PPP2R2C: variants seen among roughly 807,000 people sequenced by gnomAD.
PPP2R2C encodes protein phosphatase 2, regulatory subunit B, gamma.
Under a neutral mutation model 45.3 loss-of-function variants are expected in PPP2R2C, and 10 were observed. The observed-to-expected ratio is 0.22, with a 90% CI of 0.14 to 0.37. PPP2R2C has a LOEUF of 0.37. PPP2R2C is among the 10% of genes least tolerant of loss of function. PPP2R2C has a pLI of 1.00. For synonymous variants in PPP2R2C, 257 were observed against 245.4 expected, an observed-to-expected ratio of 1.05 and a Z score of -0.44; for missense variants, 308 against 619.7, an observed-to-expected ratio of 0.50 and a Z score of 5.34.
At chr4:6,369,570 G>T (rs946471455) in intron 5 of PPP2R2C, among the ~76,000 whole-genome samples, 2 of 152,210 alleles carry the variant, frequency 1.3e-5, no homozygotes, top group Non-Finnish European at 2.9e-5. Flanking sequence ...TTTTGTGAAT[G>T]ACTGGCATTC....
chr4:6,346,384 A>T (rs1425201741), intron 6 of PPP2R2C, among the ~76,000 whole-genome samples: 5 of 150,906 alleles, frequency 3.3e-5, no homozygotes, highest in Non-Finnish European at 7.4e-5. Context: ...GGCACCACCC[A>T]CCCCCTCAGG....
chr4:6,357,165 A>G (rs984550514), intron 5 of PPP2R2C, among the ~76,000 whole-genome samples: 2 of 149,090 alleles, frequency 1.3e-5, no homozygotes, highest in Non-Finnish European at 3.0e-5. Context: ...GCCTCTCTGG[A>G]CTCTGTGTCA....
At chr4:6,545,167 C>T (rs567296113) in intron 1 of PPP2R2C, among the ~76,000 whole-genome samples, 2 of 152,314 alleles carry the variant, frequency 1.3e-5, no homozygotes, top group Non-Finnish European at 2.9e-5. Context: ...CTCCTCCAGA[C>T]ATTTTGGAAA....
chr4:6,453,168 C>G (rs1283343499), intron 1 of PPP2R2C, among the ~76,000 whole-genome samples: 3 of 152,154 alleles, frequency 2.0e-5, no homozygotes, highest in South Asian at 4.2e-4. Flanking sequence ...GAAGGGACCC[C>G]CCCACAGAGG....
chr4:6,402,481 C>T (rs1420601595), intron 1 of PPP2R2C, among the ~76,000 whole-genome samples: 1 of 126,686 alleles, frequency 7.9e-6, no homozygotes, highest in Non-Finnish European at 1.6e-5. Context: ...CTCTCTTCTC[C>T]TTTTTCCTTC....
chr4:6,429,918 A>C (rs1012977874), intron 1 of PPP2R2C, among the ~76,000 whole-genome samples: 5 of 152,132 alleles, frequency 3.3e-5, no homozygotes, highest in Non-Finnish European at 7.3e-5. Flanking sequence ...GTCTATTGAA[A>C]GATGACCTGC....
rs1711862855 is a variant in PPP2R2C, at chr4:6,345,958, C to CGCGGGTCTGAAACCTGCCTGCTGGTCCCT, written c.790+1859_790+1887dup. ...TGGAACCCAATACGGGCCTCAGGCT[C>CGCGGGTCTGAAACCTGCCTGCTGGTCCCT]GCGGGTCTGAAACCTGCCTGCTGGT... On this transcript the variant is annotated intron_variant, in intron 6 of 8. Coordinates refer to ENST00000382599, the MANE Select transcript of PPP2R2C (RefSeq NM_020416.4). This position sits in a 1 kb window ranked among gnomAD's most constrained non-coding sequence, Gnocchi z 5.3. Among the ~76,000 whole-genome samples, 1 of 152,138 alleles carries CGCGGGTCTGAAACCTGCCTGCTGGTCCCT rather than the reference C, an allele frequency of 6.6e-6. No homozygotes were observed. Among genetic ancestry groups the CGCGGGTCTGAAACCTGCCTGCTGGTCCCT allele is most frequent in the Non-Finnish European group, 1.5e-5 (1 of 68,016 alleles).
At chr4:6,433,723 T>C (rs1016968847) in intron 1 of PPP2R2C, among the ~76,000 whole-genome samples, 2 of 152,222 alleles carry the variant, frequency 1.3e-5, no homozygotes. Context: ...TTCTTTCCCT[T>C]GAATTGACTC....
At chr4:6,468,899 C>CTCCAGGG (rs1299369765) in intron 1 of PPP2R2C, among the ~76,000 whole-genome samples, 15 of 151,528 alleles carry the variant, frequency 9.9e-5, no homozygotes, top group Non-Finnish European at 1.9e-4. Flanking sequence ...TCCTAGCACC[C>CTCCAGGG]TCCAGGGTCC....
chr4:6,535,205 T>G, intron 2 of PPP2R2C: 1 of 1,501,398 alleles, frequency 6.7e-7, no homozygotes. Flanking sequence ...CGGGCGCCTG[T>G]GACCCACAGC....
intron 1 of PPP2R2C, among the ~76,000 whole-genome samples, chr4:6,417,306 T>A (rs546116422): frequency 6.6e-6 from 1 of 152,330 alleles, no homozygotes; most frequent in East Asian, 1.9e-4. Flanking sequence ...ATCCACGGGA[T>A]TTTCACAGGG....
rs940835952 is a variant in PPP2R2C, at chr4:6,330,181, G to C, written c.961-828C>G. Among the ~76,000 whole-genome samples, 7 of 152,144 alleles carry C rather than the reference G, an allele frequency of 4.6e-5. 1 individual carries two copies. The highest frequency in any genetic ancestry group is 4.6e-4 in the Admixed American group (7 of 15,280). On this transcript the variant is annotated intron_variant, in intron 7 of 8. Coordinates refer to ENST00000382599, the MANE Select transcript of PPP2R2C (RefSeq NM_020416.4). The surrounding 1 kb of genome is among the most constrained non-coding windows in gnomAD (Gnocchi z 7.0). ...AGCCGGTCCTACAAGCCCTGTACCC[G>C]GAGGGCCGCATGAGTGCCAGCCCTC...
rs761640111 is a variant in PPP2R2C, at chr4:6,507,056, T to A, written c.49+28215A>T. ...GAGGATCAAGGATGACTCCTAGGTGTCGGGCCTGCAGAACTAAGATAGGAA... is the reference window on the plus strand; with the variant it reads ...GAGGATCAAGGATGACTCCTAGGTGACGGGCCTGCAGAACTAAGATAGGAA... On this transcript the variant is annotated intron_variant, in intron 2 of 9. Coordinates refer to the PPP2R2C transcript ENST00000506140. Among the ~76,000 whole-genome samples the A allele has an allele frequency of 5.9e-5, 9 of 152,120 alleles. No individual in the cohort carries two copies. In the South Asian group the frequency reaches 6.2e-4, roughly 11 times the overall value.
chr4:6,472,664 C>T (rs1445797675), upstream of PPP2R2C, among the ~76,000 whole-genome samples: 4 of 150,030 alleles, frequency 2.7e-5, no homozygotes, highest in African/African-American at 7.3e-5. Flanking sequence ...CCCTCCCTCG[C>T]GCCGCCCGCT....
intron 1 of PPP2R2C, among the ~76,000 whole-genome samples, chr4:6,403,086 A>C (rs1367907290): frequency 6.6e-6 from 1 of 152,230 alleles, no homozygotes; most frequent in African/African-American, 2.4e-5. Flanking sequence ...ACTTTGGGCT[A>C]ATTAGAACCA....
At chr4:6,550,952 A>G (rs1025006017) in intron 1 of PPP2R2C, among the ~76,000 whole-genome samples, 1 of 152,220 alleles carries the variant, frequency 6.6e-6, no homozygotes, top group Non-Finnish European at 1.5e-5. Context: ...AGCTAGAGCA[A>G]CACTTTTGTT....
intron 2 of PPP2R2C, among the ~76,000 whole-genome samples, chr4:6,493,336 T>G (rs530866510): frequency 6.6e-6 from 1 of 151,884 alleles, no homozygotes; most frequent in Admixed American, 6.6e-5. Context: ...TCAATCAGAA[T>G]GTCAGCTTCA....
At chr4:6,405,717 T>A (rs1560521556) in intron 1 of PPP2R2C, among the ~76,000 whole-genome samples, 1 of 152,136 alleles carries the variant, frequency 6.6e-6, no homozygotes, top group Non-Finnish European at 1.5e-5. Flanking sequence ...GATGCTGACA[T>A]GACAACATCA....
chr4:6,348,830 G>T, intron 5 of PPP2R2C: 2 of 664,360 alleles, frequency 3.0e-6, no homozygotes, highest in East Asian at 1.4e-4. Flanking sequence ...TGCACCTGAA[G>T]CCATTCCCCC....
Sources: allele counts gnomAD v4.1 joint callset (sites outside exome capture counted in the v4.1 genomes callset), GRCh38; gene constraint gnomAD v4.1.1; non-coding constraint Gnocchi (gnomAD v3.1); transcripts MANE v1.5; gene names NCBI Gene and HGNC (gene_info 2026-07-23, HGNC 2026-07-21).